The following PRKCE variants were observed in gnomAD, a reference collection of about 807,000 sequenced individuals.
PRKCE encodes protein kinase C epsilon type.
Under a neutral mutation model 85.4 loss-of-function variants are expected in PRKCE, and 16 were observed. That is an observed-to-expected ratio of 0.19 (90% confidence interval 0.13 to 0.28). The LOEUF is 0.28. Among genes scored for constraint, PRKCE ranks in the 10% least tolerant of loss-of-function variants. The pLI, the probability that PRKCE is intolerant of heterozygous loss-of-function variation, is 1.00. For missense variants in PRKCE, 573 were observed against 975.2 expected (o/e 0.59, Z 5.49); for synonymous variants, 388 against 371.5 (o/e 1.04, Z -0.51).
intron 10 of PRKCE, among the ~76,000 whole-genome samples, chr2:46,015,889 G>C (rs551400113): frequency 6.6e-6 from 1 of 152,204 alleles, no homozygotes; most frequent in South Asian, 2.1e-4. Flanking sequence ...AGCAGGTTTG[G>C]TGAGTGCTTT....
chr2:46,062,670 T>TTTTC, intron 10 of PRKCE, among the ~76,000 whole-genome samples: 1 of 122,160 alleles, frequency 8.2e-6, no homozygotes, highest in Non-Finnish European at 1.7e-5. Context: ...AGCTCAGCCT[T>TTTTC]TTTTTTTTTT....
intron 11 of PRKCE, among the ~76,000 whole-genome samples, chr2:46,130,127 T>C (rs1674276702): frequency 6.6e-6 from 1 of 152,234 alleles, no homozygotes; most frequent in South Asian, 2.1e-4. Flanking sequence ...ATAATTGTTT[T>C]TGTGGTTGTT....
chr2:46,178,270 T>A (rs1452870015), intron 14 of PRKCE, among the ~76,000 whole-genome samples: 1 of 152,038 alleles, frequency 6.6e-6, no homozygotes, highest in Non-Finnish European at 1.5e-5. Context: ...CAAAAAAAAA[T>A]AGAGCACTGC....
At chr2:45,834,762 G>T (rs1339172471) in intron 1 of PRKCE, among the ~76,000 whole-genome samples, 1 of 152,062 alleles carries the variant, frequency 6.6e-6, no homozygotes, top group Non-Finnish European at 1.5e-5. Context: ...TCTTTTTTAG[G>T]ACTCGCATGG....
chr2:46,064,268 G>T (rs1574374054), intron 10 of PRKCE, among the ~76,000 whole-genome samples: 1 of 130,970 alleles, frequency 7.6e-6, no homozygotes, highest in Non-Finnish European at 1.6e-5. Context: ...GTGACAGAGT[G>T]AGACTCTGTC....
intron 2 of PRKCE, among the ~76,000 whole-genome samples, chr2:45,948,137 T>G (rs1404918895): frequency 6.6e-6 from 1 of 152,220 alleles, no homozygotes; most frequent in Non-Finnish European, 1.5e-5. Flanking sequence ...CAATCACTTA[T>G]TAGTGTTCAT....
rs1387237041 is a variant in PRKCE at position 45,774,907 on chromosome 2, C to T, written c.349-68093C>T. ...ACCCGAGGAAGCCCAGTGACACGGT[C>T]CCAGCAAGGGTGTGGTGAAGGAAGT... On this transcript the variant is annotated intron_variant, in intron 1 of 14. Coordinates refer to ENST00000306156, the MANE Select transcript of PRKCE (RefSeq NM_005400.3). This position sits in a 1 kb window ranked among gnomAD's most constrained non-coding sequence, Gnocchi z 4.3. 6.7e-6 allele frequency among the ~76,000 whole-genome samples: 1 copy of T among 149,880 alleles called. No individual in the cohort carries two copies. Among genetic ancestry groups the T allele is most frequent in the Non-Finnish European group, 1.5e-5 (1 of 67,760 alleles).
At chr2:45,888,107 CGTT>C (rs1239364270) in intron 2 of PRKCE, among the ~76,000 whole-genome samples, 2 of 152,144 alleles carry the variant, frequency 1.3e-5, no homozygotes, top group Non-Finnish European at 2.9e-5. Flanking sequence ...AACATGGAAT[CGTT>C]GTGAATATTT....
Position 45,651,972 on chromosome 2 carries a change from A to C in PRKCE, c.-129A>C. On this transcript the variant is annotated 5_prime_UTR_variant, in exon 1 of 15. The change abolishes the stop of an existing upstream ORF in the 5' untranslated region. Coordinates refer to ENST00000306156, the MANE Select transcript of PRKCE (RefSeq NM_005400.3). The stretch of plus-strand genomic sequence containing the variant: ...GCCAGGGCGCAACGCCACAAGGTGT[A>C]GGGAGTGTGCGGGGTGGGGCGAAAG... The C allele has an allele frequency of 1.4e-6, 1 of 719,134 alleles. No homozygotes were observed. Among genetic ancestry groups the C allele is most frequent in the Non-Finnish European group, 2.3e-6 (1 of 426,526 alleles). The allele number at this position is 719,134 out of a possible 1,614,324, so 44.5% of individuals were successfully genotyped here. A position where few individuals can be genotyped will look rare whatever the true frequency, so the allele number is the denominator to read the frequency against.
Position 45,952,452 on chromosome 2 carries a change from A to G in PRKCE, c.413-23977A>G, listed in dbSNP as rs932837499. ...AAACACCCCTCCTTTTGCTGGAAGT[A>G]TACATTCTAAAGGAACATGGACTAC... On this transcript the variant is annotated intron_variant, in intron 2 of 14. Transcript: ENST00000306156. 3.3e-5 allele frequency among the ~76,000 whole-genome samples: 5 copies of G among 152,238 alleles called. 1 individual carries two copies. Among genetic ancestry groups the G allele is most frequent in the Non-Finnish European group, 5.9e-5 (4 of 68,046 alleles).
chr2:45,730,125 C>G (rs193185517), intron 1 of PRKCE, among the ~76,000 whole-genome samples: 1 of 152,256 alleles, frequency 6.6e-6, no homozygotes, highest in East Asian at 1.9e-4. Context: ...AGACGCCAGG[C>G]TTGAAGAGCC....
intron 10 of PRKCE, among the ~76,000 whole-genome samples, chr2:46,031,867 C>T (rs759962741): frequency 2.0e-5 from 3 of 152,188 alleles, no homozygotes; most frequent in Non-Finnish European, 2.9e-5. Flanking sequence ...ACCAACTGGT[C>T]GCAATTTGCA....
At chr2:46,069,422 CA>C (rs200450745) in intron 10 of PRKCE, among the ~76,000 whole-genome samples, 107 of 147,842 alleles carry the variant, frequency 7.2e-4, no homozygotes, top group Admixed American at 1.3e-3. Context: ...ATATACTTTG[CA>C]AAAAAAAATA....
At chr2:45,925,223 C>T (rs1404672464) in intron 2 of PRKCE, among the ~76,000 whole-genome samples, 10 of 152,102 alleles carry the variant, frequency 6.6e-5, no homozygotes, top group Admixed American at 3.3e-4. Flanking sequence ...CCTTTCCTTT[C>T]CTAAAGGCCC....
intron 1 of PRKCE, among the ~76,000 whole-genome samples, chr2:45,704,699 A>G (rs528527680): frequency 6.6e-6 from 1 of 152,370 alleles, no homozygotes; most frequent in East Asian, 1.9e-4. Flanking sequence ...TGGCACATGC[A>G]GGTGCCCAGC....
intron 2 of PRKCE, among the ~76,000 whole-genome samples, chr2:45,884,326 G>A (rs1232369214): frequency 6.6e-6 from 1 of 152,198 alleles, no homozygotes; most frequent in Non-Finnish European, 1.5e-5. Context: ...CTATGATAAA[G>A]TCTCCCTTTT....
Position 45,840,160 on chromosome 2 carries a change from C to T in PRKCE, c.349-2840C>T, listed in dbSNP as rs538875475. On this transcript the variant is annotated intron_variant, in intron 1 of 14. Coordinates refer to ENST00000306156, the MANE Select transcript of PRKCE (RefSeq NM_005400.3). ...GTACTTTGCCAATAAAGTCCACAGTCGTGGGAAATCTTTGAGTTGGAGGAT... is the reference window on the plus strand; with the variant it reads ...GTACTTTGCCAATAAAGTCCACAGTTGTGGGAAATCTTTGAGTTGGAGGAT... 3.9e-5 allele frequency among the ~76,000 whole-genome samples: 6 copies of T among 152,248 alleles called. No individual in the cohort carries two copies. The South Asian group carries it at 6.2e-4, about 16-fold the overall frequency.
intron 1 of PRKCE, among the ~76,000 whole-genome samples, chr2:45,829,289 C>T (rs12469287): frequency 0.4 from 60,858 of 151,984 alleles, 12,788 homozygotes; most frequent in Middle Eastern, 0.53. Flanking sequence ...TCGTCGGCAG[C>T]GTATAATAGT....
intron 1 of PRKCE, among the ~76,000 whole-genome samples, chr2:45,753,572 C>A (rs539792753): frequency 7.1e-6 from 1 of 141,236 alleles, no homozygotes; most frequent in Non-Finnish European, 1.6e-5. Flanking sequence ...CGCCTTGAGA[C>A]TGACCCAGGT....
Sources: gnomAD v4.1 joint callset for allele counts (sites outside exome capture counted in the v4.1 genomes callset) on GRCh38, gnomAD v4.1.1 for gene constraint, Gnocchi (gnomAD v3.1) non-coding constraint, MANE v1.5 for transcripts, NCBI Gene and HGNC (gene_info 2026-07-23, HGNC 2026-07-21) for gene names.